Variants in PHACTR1 observed in about 807,000 individuals in gnomAD.
The protein encoded by PHACTR1 is phosphatase and actin regulator 1.
Under a neutral mutation model 69.2 loss-of-function variants are expected in PHACTR1, and 16 were observed. That is an observed-to-expected ratio of 0.23 (90% CI 0.16 to 0.35). The LOEUF is 0.35. Among genes scored for constraint, PHACTR1 ranks in the 10% least tolerant of loss-of-function variants. The pLI is 1.00. For missense variants in PHACTR1, 510 were observed against 734.7 expected (o/e 0.69, Z 3.54); for synonymous variants, 312 against 284.5 (o/e 1.10, Z -0.97).
chr6:12,803,008 C>A (rs1773889692), intron 4 of PHACTR1, among the ~76,000 whole-genome samples: 1 of 152,120 alleles, frequency 6.6e-6, no homozygotes, highest in Non-Finnish European at 1.5e-5. Flanking sequence ...GAGGAGCCAC[C>A]TTCCATGATA....
chr6:12,780,245 T>TTC (rs1181678065), intron 4 of PHACTR1, among the ~76,000 whole-genome samples: 85 of 110,450 alleles, frequency 7.7e-4, no homozygotes, highest in African/African-American at 2.2e-3. Flanking sequence ...TATATATCTT[T>TTC]TCTCTGTGTG....
chr6:12,744,559 C>T (rs183517750), intron 3 of PHACTR1, among the ~76,000 whole-genome samples: 46 of 152,192 alleles, frequency 3.0e-4, no homozygotes, highest in African/African-American at 9.9e-4. Flanking sequence ...CTTCATGTTT[C>T]GTAAGGAAGA....
chr6:12,797,195 C>T (rs1470175723), intron 4 of PHACTR1, among the ~76,000 whole-genome samples: 1 of 152,026 alleles, frequency 6.6e-6, no homozygotes, highest in Non-Finnish European at 1.5e-5. Context: ...ACATGAAAAC[C>T]CCACTGCAAA....
intron 4 of PHACTR1, among the ~76,000 whole-genome samples, chr6:12,786,323 T>C (rs1771541645): frequency 6.6e-6 from 1 of 152,232 alleles, no homozygotes; most frequent in South Asian, 2.1e-4. Flanking sequence ...TACAAATTCA[T>C]AGCTTTCTAA....
chr6:13,037,287 G>A (rs1468851458), intron 4 of PHACTR1, among the ~76,000 whole-genome samples: 1 of 152,090 alleles, frequency 6.6e-6, no homozygotes, highest in Admixed American at 6.6e-5. Flanking sequence ...GCCATTCTTA[G>A]AAGCCTCACT....
chr6:12,984,819 A>G (rs541602758), intron 4 of PHACTR1, among the ~76,000 whole-genome samples: 1 of 152,354 alleles, frequency 6.6e-6, no homozygotes, highest in South Asian at 2.1e-4. Context: ...AATCTATAAT[A>G]CTGGAGAGTT....
chr6:12,793,672 A>G (rs1444571499), intron 4 of PHACTR1, among the ~76,000 whole-genome samples: 1 of 152,224 alleles, frequency 6.6e-6, no homozygotes, highest in Non-Finnish European at 1.5e-5. Flanking sequence ...ATCAGAATCC[A>G]GGATTTATGA....
intron 5 of PHACTR1, among the ~76,000 whole-genome samples, chr6:13,140,219 G>A (rs1480602911): frequency 6.6e-6 from 1 of 152,128 alleles, no homozygotes; most frequent in Non-Finnish European, 1.5e-5. Context: ...CTGGAAAGCA[G>A]TGAGGCATTT....
intron 10 of PHACTR1, among the ~76,000 whole-genome samples, chr6:13,241,840 A>T (rs1772882434): frequency 6.6e-6 from 1 of 151,858 alleles, no homozygotes; most frequent in African/African-American, 2.4e-5. Flanking sequence ...CCTGGCCAAC[A>T]AGGTAAAACC....
At chr6:12,912,783 T>A (rs539279485) in intron 4 of PHACTR1, among the ~76,000 whole-genome samples, 2 of 152,186 alleles carry the variant, frequency 1.3e-5, no homozygotes, top group African/African-American at 2.4e-5. Context: ...CAAAACCCCA[T>A]CTCTACTAAA....
intron 10 of PHACTR1, among the ~76,000 whole-genome samples, chr6:13,231,638 C>A (rs970246719): frequency 5.9e-5 from 9 of 152,212 alleles, no homozygotes; most frequent in Non-Finnish European, 1.0e-4. Flanking sequence ...CACTGGGACT[C>A]ATTTTGAGTG....
intron 13 of PHACTR1, among the ~76,000 whole-genome samples, chr6:13,285,831 T>A (rs569311): frequency 2.0e-5 from 3 of 152,172 alleles, no homozygotes; most frequent in African/African-American, 7.2e-5. Context: ...ATTGAATGTG[T>A]TCTTGGGCCC....
chr6:13,080,144 C>T (rs532871710), intron 5 of PHACTR1, among the ~76,000 whole-genome samples: 1 of 152,244 alleles, frequency 6.6e-6, no homozygotes, highest in South Asian at 2.1e-4. Flanking sequence ...AATGTTGTGA[C>T]ATTGGATGTC....
chr6:12,868,204 C>T (rs1318635853), intron 4 of PHACTR1, among the ~76,000 whole-genome samples: 2 of 151,156 alleles, frequency 1.3e-5, no homozygotes, highest in Admixed American at 6.6e-5. Flanking sequence ...TTGCAGTGAA[C>T]CAAGATCGCG....
intron 4 of PHACTR1, among the ~76,000 whole-genome samples, chr6:12,960,611 A>C (rs565958995): frequency 5.9e-4 from 90 of 152,314 alleles, no homozygotes; most frequent in African/African-American, 2.0e-3. Flanking sequence ...GGGTCCAACA[A>C]GGACAAAGTA....
intron 4 of PHACTR1, among the ~76,000 whole-genome samples, chr6:12,913,939 G>GT (rs1156803776): frequency 2.0e-5 from 3 of 152,156 alleles, no homozygotes; most frequent in Non-Finnish European, 2.9e-5. Context: ...TGAGTGGTCT[G>GT]AGACAACTTC....
At chr6:12,889,460 T>C (rs542122168) in intron 4 of PHACTR1, among the ~76,000 whole-genome samples, 19 of 152,352 alleles carry the variant, frequency 1.2e-4, no homozygotes, top group Admixed American at 2.6e-4. Flanking sequence ...GAAAACATGT[T>C]ATTTGGGAAT....
chr6:13,206,074 G>A lies in PHACTR1; in HGVS notation c.924G>A (p.Ser308=), dbSNP rs536275225. Reference sequence around the variant, plus strand: ...CCGGCTCCCTCCCCATGCACCCCTCGGGCTGCAGAATGATAGACGAGCTCA... The same window carrying A: ...CCGGCTCCCTCCCCATGCACCCCTCAGGCTGCAGAATGATAGACGAGCTCA... ...STTGSLPMHP[S]GCRMIDELNK... is the part of the protein sequence containing the mutation. Residue 308 remains serine (S), a synonymous_variant, in exon 8 of 15, where the codon TCG becomes TCA. Transcript: ENST00000332995. The A allele has an allele frequency of 8.1e-6, 13 of 1,613,280 alleles. No individual in the cohort carries two copies. Among genetic ancestry groups the A allele is most frequent in the East Asian group, 2.2e-5 (1 of 44,850 alleles).
rs143471011 is a variant in PHACTR1, at chr6:13,022,390, T to C, written c.251-30975T>C. Among the ~76,000 whole-genome samples, 4 of 152,368 alleles carry C rather than the reference T, an allele frequency of 2.6e-5. No individual in the cohort carries two copies. The South Asian group carries it at 6.2e-4, about 24-fold the overall frequency. Reference sequence around the variant, plus strand: ...TCAGGGGTTAGTAAACTATGGCCCATGGGCCCTCTGCCTATGTTTGTAGGT... The same window carrying C: ...TCAGGGGTTAGTAAACTATGGCCCACGGGCCCTCTGCCTATGTTTGTAGGT... On this transcript the variant is annotated intron_variant, in intron 4 of 14. Coordinates refer to ENST00000332995, the MANE Select transcript of PHACTR1 (RefSeq NM_030948.6).
Sources: gnomAD v4.1 joint callset for allele counts (sites outside exome capture counted in the v4.1 genomes callset) on GRCh38, gnomAD v4.1.1 for gene constraint, MANE v1.5 for transcripts, NCBI Gene and HGNC (gene_info 2026-07-23, HGNC 2026-07-21) for gene names.